Variants in TMPRSS15 observed in about 807,000 individuals in gnomAD.
TMPRSS15 encodes transmembrane serine protease 15.
TMPRSS15 carries 128 observed loss-of-function variants against 125.3 expected under a neutral mutation model. That is an observed-to-expected ratio of 1.02 (90% CI 0.89 to 1.18). TMPRSS15 has a LOEUF of 1.18. Among genes scored for constraint, TMPRSS15 ranks in the 50% most tolerant of loss-of-function variants. The probability of loss-of-function intolerance (pLI) is 0.00; values close to 1 mark genes in which losing one functional copy is unlikely to be tolerated. For missense variants in TMPRSS15, 1,283 were observed against 1,212.7 expected, an observed-to-expected ratio of 1.06 and a Z score of -0.86; for synonymous variants, 446 against 423.2, an observed-to-expected ratio of 1.05 and a Z score of -0.66.
intron 3 of TMPRSS15, among the ~76,000 whole-genome samples, chr21:18,396,830 C>CTATCTATCTATCTATCTATCT (rs2076044994): frequency 2.8e-5 from 4 of 144,908 alleles, no homozygotes; most frequent in African/African-American, 1.0e-4. Context: ...ATCTATCTAT[C>CTATCTATCTATCTATCTATCT]TATCTATCTA....
chr21:18,354,813 C>A (rs2147010731), intron 8 of TMPRSS15, among the ~76,000 whole-genome samples: 1 of 151,724 alleles, frequency 6.6e-6, no homozygotes, highest in East Asian at 1.9e-4. Context: ...CTGAGCATGG[C>A]ATTAGATTCA....
intron 1 of TMPRSS15, among the ~76,000 whole-genome samples, chr21:18,450,522 G>A (rs8129824): frequency 0.092 from 14,046 of 152,054 alleles, 1,851 homozygotes; most frequent in African/African-American, 0.3. Flanking sequence ...TTCAAAAGCC[G>A]AGTTCTGGGA....
intron 1 of TMPRSS15, among the ~76,000 whole-genome samples, chr21:18,464,280 A>G (rs1436324014): frequency 6.6e-6 from 1 of 151,982 alleles, no homozygotes; most frequent in Non-Finnish European, 1.5e-5. Context: ...AGAGAAATTT[A>G]TAGCACTAAA....
chr21:18,296,160 G>GA (rs1242794392), intron 19 of TMPRSS15, among the ~76,000 whole-genome samples: 5 of 151,726 alleles, frequency 3.3e-5, no homozygotes, highest in Non-Finnish European at 7.4e-5. Flanking sequence ...CTCAAAAAAA[G>GA]AAAAAAAATA....
At chr21:18,304,145 G>C (rs1361037183) in intron 18 of TMPRSS15, among the ~76,000 whole-genome samples, 1 of 152,048 alleles carries the variant, frequency 6.6e-6, no homozygotes, top group Non-Finnish European at 1.5e-5. Context: ...TGGGGGTCTG[G>C]GGTGGTTCTA....
intron 1 of TMPRSS15, among the ~76,000 whole-genome samples, chr21:18,436,275 A>G (rs2076227715): frequency 6.6e-6 from 1 of 151,750 alleles, no homozygotes; most frequent in African/African-American, 2.4e-5. Flanking sequence ...ATTTAGTGCT[A>G]TAAATTTCCC....
intron 1 of TMPRSS15, among the ~76,000 whole-genome samples, chr21:18,398,780 A>G (rs913287830): frequency 1.4e-4 from 22 of 152,182 alleles, no homozygotes; most frequent in Non-Finnish European, 3.2e-4. Context: ...GGGTTTTGAC[A>G]TATGAATTCC....
chr21:18,299,804 C>G (rs2074946070), intron 18 of TMPRSS15, among the ~76,000 whole-genome samples: 1 of 152,168 alleles, frequency 6.6e-6, no homozygotes, highest in South Asian at 2.1e-4. Flanking sequence ...GCAAATTCTC[C>G]ACCCTCACTC....
intron 21 of TMPRSS15, among the ~76,000 whole-genome samples, chr21:18,286,680 C>T (rs536192933): frequency 2.0e-5 from 3 of 152,346 alleles, no homozygotes; most frequent in African/African-American, 4.8e-5. Flanking sequence ...CCTGATTTCA[C>T]GTTTGCTCCT....
intron 3 of TMPRSS15, among the ~76,000 whole-genome samples, chr21:18,389,274 G>T (rs2075971851): frequency 1.3e-5 from 2 of 151,726 alleles, no homozygotes; most frequent in African/African-American, 4.8e-5. Context: ...AGGAAGGAAG[G>T]AAGGGAGGAA....
At chr21:18,319,174 C>T (rs902696176) in intron 16 of TMPRSS15, among the ~76,000 whole-genome samples, 7 of 151,918 alleles carry the variant, frequency 4.6e-5, no homozygotes, top group African/African-American at 1.5e-4. Flanking sequence ...AGTAATATGA[C>T]CTTGGTTGAA....
In TMPRSS15 at chr21:18,269,948, C is replaced by T; in HGVS notation, c.*21G>A. The T allele has an allele frequency of 6.2e-7, 1 of 1,613,064 alleles. No individual in the cohort carries two copies. On this transcript the variant is annotated 3_prime_UTR_variant, in exon 25 of 25. Transcript: ENST00000284885. ...AGAATGGGAAAATAATGCGACTTTC[C>T]TGTTTAGTTTAAGAAATGCGCTAAT...
chr21:18,463,693 T>A (rs1207295172), intron 1 of TMPRSS15, among the ~76,000 whole-genome samples: 1 of 152,058 alleles, frequency 6.6e-6, no homozygotes, highest in Non-Finnish European at 1.5e-5. Flanking sequence ...AACCACATAA[T>A]TGGAAGTAAA....
intron 18 of TMPRSS15, among the ~76,000 whole-genome samples, chr21:18,300,255 T>C (rs1313587113): frequency 6.6e-6 from 1 of 151,754 alleles, no homozygotes; most frequent in Non-Finnish European, 1.5e-5. Flanking sequence ...TTTTTCTTCT[T>C]TCTCTCTTTC....
chr21:18,302,884 A>C (rs982116175), intron 18 of TMPRSS15, among the ~76,000 whole-genome samples: 2 of 152,104 alleles, frequency 1.3e-5, no homozygotes, highest in Non-Finnish European at 2.9e-5. Context: ...TTATTTCCTT[A>C]GCTGCTGCTG....
chr21:18,478,943 T>G (rs1248561489), intron 1 of TMPRSS15, among the ~76,000 whole-genome samples: 1 of 152,026 alleles, frequency 6.6e-6, no homozygotes, highest in Admixed American at 6.6e-5. Context: ...ATGTGGAATA[T>G]TCCTTATTCC....
intron 1 of TMPRSS15, among the ~76,000 whole-genome samples, chr21:18,474,756 A>G (rs902271975): frequency 6.6e-6 from 1 of 152,176 alleles, no homozygotes; most frequent in African/African-American, 2.4e-5. Context: ...CTTAAGATCT[A>G]TGTTTCTCCC....
intron 1 of TMPRSS15, among the ~76,000 whole-genome samples, chr21:18,439,131 G>A (rs999503215): frequency 7.2e-5 from 11 of 152,250 alleles, no homozygotes; most frequent in Non-Finnish European, 1.2e-4. Context: ...GCCATTTGAG[G>A]TTTACACATA....
chr21:18,440,378 A>AAAAAAAAAAAAG (rs2076238633), intron 1 of TMPRSS15, among the ~76,000 whole-genome samples: 1 of 136,682 alleles, frequency 7.3e-6, no homozygotes, highest in Non-Finnish European at 1.6e-5. Flanking sequence ...GTCTCAAAAA[A>AAAAAAAAAAAAG]AAAAAAAAAA....
Sources: allele counts gnomAD v4.1 joint callset (sites outside exome capture counted in the v4.1 genomes callset), GRCh38; gene constraint gnomAD v4.1.1; transcripts MANE v1.5; gene names NCBI Gene and HGNC (gene_info 2026-07-23, HGNC 2026-07-21).